Variants in ERAP1 observed in about 807,000 individuals in gnomAD.
ERAP1 encodes the protein endoplasmic reticulum aminopeptidase 1, also known as adipocyte-derived leucine aminopeptidase.
A neutral mutation model predicts 103.7 loss-of-function variants in ERAP1; 86 were observed. That is an observed-to-expected ratio of 0.83 (90% CI 0.70 to 0.99). The LOEUF is 0.99. Ranked by LOEUF, ERAP1 falls within the 50% of genes least tolerant of loss-of-function variation. The pLI is 0.00. For missense variants in ERAP1, 1,009 were observed against 1,128.4 expected, an observed-to-expected ratio of 0.89 and a Z score of 1.52; for synonymous variants, 398 against 402.4, an observed-to-expected ratio of 0.99 and a Z score of 0.13.
chr5:96,793,312 C>G, intron 7 of ERAP1, 88 bp downstream of exon 7: 2 of 950,418 alleles, frequency 2.1e-6, no homozygotes, highest in South Asian at 2.7e-5. Flanking sequence ...TTTATAAGTT[C>G]TATAATCAAA....
the ERAP1 span, among the ~76,000 whole-genome samples, chr5:96,816,157 G>A: frequency 1.3e-5 from 2 of 152,218 alleles, no homozygotes; most frequent in Admixed American, 1.3e-4. Flanking sequence ...AACTATTGGA[G>A]ATGATGCAAA....
the ERAP1 span, among the ~76,000 whole-genome samples, chr5:96,824,371 C>G: frequency 1.3e-5 from 2 of 152,184 alleles, no homozygotes; most frequent in Non-Finnish European, 2.9e-5. Flanking sequence ...ATTCAAAGGT[C>G]TCTTCTGCTG....
chr5:96,926,524 C>T, the ERAP1 span, among the ~76,000 whole-genome samples: 1 of 152,108 alleles, frequency 6.6e-6, no homozygotes, highest in African/African-American at 2.4e-5. Context: ...ATAGATTTGC[C>T]TAGTCTGGAC....
chr5:96,817,846 C>T, the ERAP1 span, among the ~76,000 whole-genome samples: 1 of 152,220 alleles, frequency 6.6e-6, no homozygotes, highest in Admixed American at 6.5e-5. Flanking sequence ...CCCACCAGTG[C>T]TACTGTTTGG....
chr5:96,856,365 T>TATATATAGAG, the ERAP1 span, among the ~76,000 whole-genome samples: 60 of 20,368 alleles, frequency 2.9e-3, 1 homozygote, highest in African/African-American at 5.3e-3. Flanking sequence ...TATATATATA[T>TATATATAGAG]AGAGAGAGAG....
intron 10 of ERAP1, among the ~76,000 whole-genome samples, chr5:96,789,658 C>T (rs1776502925): frequency 6.6e-6 from 1 of 152,200 alleles, no homozygotes; most frequent in Non-Finnish European, 1.5e-5. Flanking sequence ...CCTCTGAAAA[C>T]ATCCCACAAG....
chr5:96,930,442 A>G, the ERAP1 span, among the ~76,000 whole-genome samples: 1 of 152,236 alleles, frequency 6.6e-6, no homozygotes, highest in Non-Finnish European at 1.5e-5. Flanking sequence ...GACTCCTCCT[A>G]TAGCTTATTG....
chr5:96,869,313 G>T, the ERAP1 span, among the ~76,000 whole-genome samples: 6 of 152,046 alleles, frequency 3.9e-5, no homozygotes, highest in Admixed American at 3.9e-4. Context: ...TTAAAAGTAT[G>T]TACCCATCAC....
chr5:96,872,126 A>T, the ERAP1 span, among the ~76,000 whole-genome samples: 1 of 152,202 alleles, frequency 6.6e-6, no homozygotes, highest in Non-Finnish European at 1.5e-5. Flanking sequence ...TAATAGATTT[A>T]TAGAGATCCT....
the ERAP1 span, among the ~76,000 whole-genome samples, chr5:96,890,139 A>G: frequency 6.6e-6 from 1 of 152,198 alleles, no homozygotes; most frequent in African/African-American, 2.4e-5. Context: ...TTTCTATCTT[A>G]AAAAATAAAA....
In ERAP1 at chr5:96,788,587, A is replaced by G. The variant is rs543614934; in HGVS notation, c.1623T>C (p.Asn541=). The change falls in exon 11 of 19, where the codon AAT becomes AAC. Residue 541 remains asparagine, a synonymous_variant. Transcript: ENST00000443439. ...PLITITVRGR[N]VHMKQEHYMK... ...TGTAGTGCTCTTGCTTCATGTGTAC[A>G]TTCCTCCCCCTCACTGTGATGGTTA... is the stretch of plus-strand genomic sequence containing the variant. The G allele has an allele frequency of 1.2e-6, 2 of 1,614,098 alleles. No homozygotes were observed. The highest frequency in any genetic ancestry group is 1.7e-5 in the Admixed American group (1 of 60,010).
rs1778278674 is a variant in ERAP1 at position 96,803,939 on chromosome 5, C to T, written c.-13G>A. 1 of 1,603,452 alleles carries T rather than the reference C, an allele frequency of 6.2e-7. No homozygotes were observed. The highest frequency in any genetic ancestry group is 8.5e-7 in the Non-Finnish European group (1 of 1,179,976). On this transcript the variant is annotated 5_prime_UTR_variant, in exon 2 of 19. Coordinates refer to ENST00000443439, the MANE Select transcript of ERAP1 (RefSeq NM_001040458.3). ...GCAGAAACACCATCTTCTTGCTCTA[C>T]CTACCTAGCGGCACAAATGTACAAA...
chr5:96,903,596 A>G, the ERAP1 span: 1 of 1,540,056 alleles, frequency 6.5e-7, no homozygotes, highest in South Asian at 1.2e-5. Context: ...ATGCAAAATA[A>G]CTGATTCGTA....
At chr5:96,920,049 T>C in the ERAP1 span, among the ~76,000 whole-genome samples, 1 of 152,196 alleles carries the variant, frequency 6.6e-6, no homozygotes, top group Non-Finnish European at 1.5e-5. Context: ...TGGCGGCTCA[T>C]GCAGGTAATC....
At chr5:96,872,506 A>G in the ERAP1 span, among the ~76,000 whole-genome samples, 5 of 152,240 alleles carry the variant, frequency 3.3e-5, no homozygotes, top group East Asian at 1.9e-4. Flanking sequence ...GGCTGAAACA[A>G]GAGAATCGCT....
rs760931819 is a variant in ERAP1, at chr5:96,803,808, T to C, written c.119A>G (p.Lys40Arg). 3.0e-5 allele frequency: 48 copies of C among 1,613,984 alleles called. No homozygotes were observed. Among genetic ancestry groups the C allele is most frequent in the Non-Finnish European group, 3.9e-5 (46 of 1,180,040 alleles). Residue 40 changes from lysine (K) to arginine (R), a missense_variant, in exon 2 of 19, where the codon AAA becomes AGA. This residue lies in a region of ERAP1 where 392 missense variants were observed against 455.2 expected (regional missense o/e 0.86). Coordinates refer to ENST00000443439, the MANE Select transcript of ERAP1 (RefSeq NM_001040458.3). ...SWCQSTEASP[K>R]RSDGTPFPWN... ...AGGAAATGGTGTCCCATCACTACGT[T>C]TTGGAGATGCTTCAGTGCTCTGACA...
At chr5:96,780,303 A>T (rs1016400056) in intron 18 of ERAP1, 120 bp downstream of exon 18, 8 of 705,758 alleles carry the variant, frequency 1.1e-5, no homozygotes, top group Non-Finnish European at 1.8e-5. Flanking sequence ...TCCAAAAATA[A>T]CTTCTAAATG....
At chr5:96,900,120 G>A in the ERAP1 span, 1 of 1,613,714 alleles carries the variant, frequency 6.2e-7, no homozygotes. Flanking sequence ...TTGTTTTGTA[G>A]AGTTGTTTAG....
At chr5:96,771,674 G>A (rs1346050780), downstream of ERAP1, 3 of 1,611,494 alleles carry the variant, frequency 1.9e-6, no homozygotes, top group Admixed American at 5.0e-5. Context: ...GCCAAAAGAT[G>A]ACTAAAGAAA....
Sources: gnomAD v4.1 joint callset for allele counts (sites outside exome capture counted in the v4.1 genomes callset) on GRCh38, gnomAD v4.1.1 for gene constraint, gnomAD v4.1.1 regional missense constraint, MANE v1.5 for transcripts, NCBI Gene and HGNC (gene_info 2026-07-23, HGNC 2026-07-21) for gene names.